MTUS1: variants seen among roughly 807,000 people sequenced by gnomAD.
The protein encoded by MTUS1 is microtubule-associated tumor suppressor 1.
Under a neutral mutation model 120.8 loss-of-function variants are expected in MTUS1, and 109 were observed. That is an observed-to-expected ratio of 0.90 (90% confidence interval 0.77 to 1.06). The LOEUF (loss-of-function observed/expected upper bound fraction) is 1.06, where lower values mean the gene tolerates loss of function less well. Among genes scored for constraint, MTUS1 ranks in the 50% least tolerant of loss-of-function variants. MTUS1 has a pLI of 0.00. For synonymous variants in MTUS1, 737 were observed against 550.5 expected, an observed-to-expected ratio of 1.34 and a Z score of -4.74; for missense variants, 2,210 against 1,486.3, an observed-to-expected ratio of 1.49 and a Z score of -8.01.
At chr8:17,721,520 TAA>T (rs1369713908) in intron 4 of MTUS1, among the ~76,000 whole-genome samples, 1 of 152,032 alleles carries the variant, frequency 6.6e-6, no homozygotes, top group Non-Finnish European at 1.5e-5. Flanking sequence ...GCAAAACACA[TAA>T]AAGAGACAAC....
intron 3 of MTUS1, among the ~76,000 whole-genome samples, chr8:17,734,465 G>C (rs1586037300): frequency 6.6e-6 from 1 of 152,040 alleles, no homozygotes; most frequent in East Asian, 1.9e-4. Context: ...GGAGCAAAAA[G>C]TCCCACAAAG....
intron 1 of MTUS1, among the ~76,000 whole-genome samples, chr8:17,756,835 C>G (rs1033249356): frequency 1.3e-5 from 2 of 152,114 alleles, no homozygotes; most frequent in Non-Finnish European, 2.9e-5. Flanking sequence ...TCCCCTCTCT[C>G]TACCAAATTA....
chr8:17,794,255 G>C (rs933242811), intron 1 of MTUS1, among the ~76,000 whole-genome samples: 2 of 151,910 alleles, frequency 1.3e-5, no homozygotes, highest in Non-Finnish European at 2.9e-5. Context: ...TTGAACCCAG[G>C]AGGCGGACAC....
chr8:17,697,761 A>G, intron 6 of MTUS1: 2 of 985,640 alleles, frequency 2.0e-6, no homozygotes, highest in Non-Finnish European at 2.4e-6. Context: ...AACAACCAAT[A>G]ATGTCACAGA....
At chr8:17,744,264 C>T (rs904522784) in intron 2 of MTUS1, among the ~76,000 whole-genome samples, 1 of 152,096 alleles carries the variant, frequency 6.6e-6, no homozygotes, top group Non-Finnish European at 1.5e-5. Context: ...GAGTCTAGCA[C>T]CTTTTAAAAG....
intron 1 of MTUS1, among the ~76,000 whole-genome samples, chr8:17,793,927 T>C (rs186097004): frequency 6.6e-6 from 1 of 152,322 alleles, no homozygotes; most frequent in African/African-American, 2.4e-5. Context: ...TTCACAATGA[T>C]TGGGGTTTCT....
At chr8:17,785,698 G>A (rs553853249) in intron 1 of MTUS1, among the ~76,000 whole-genome samples, 1 of 152,184 alleles carries the variant, frequency 6.6e-6, no homozygotes, top group African/African-American at 2.4e-5. Context: ...CTGTCACCAG[G>A]TACCCCAGGG....
At chr8:17,764,380 G>C (rs2049296915) in intron 1 of MTUS1, among the ~76,000 whole-genome samples, 1 of 140,600 alleles carries the variant, frequency 7.1e-6, no homozygotes, top group African/African-American at 2.7e-5. Context: ...CTATGCACTT[G>C]CATTTTTATG....
At position 17,755,366 on chromosome 8, in the gene MTUS1, A is replaced by T. The variant is rs3739407; in HGVS notation, c.442T>A (p.Cys148Ser). The change falls in exon 2 of 15, where the codon TGT (cysteine) becomes AGT (serine). Residue 148 changes from cysteine to serine, a missense_variant. Coordinates refer to ENST00000693296, the MANE Select transcript of MTUS1 (RefSeq NM_001363059.2). The part of the protein sequence containing the change: ...FVWKPNDNLN[C>S]AGYCDALELN... ...TCCAAGGCATCACAGTAGCCTGCAC[A>T]GTTCAAATTGTCATTAGGCTTCCAC... 49 of 1,613,940 alleles carry T rather than the reference A, an allele frequency of 3.0e-5. No homozygotes were observed. The highest frequency in any genetic ancestry group is 3.7e-5 in the Non-Finnish European group (44 of 1,180,028).
chr8:17,697,500 C>A (rs1818223657), intron 6 of MTUS1: 9 of 1,424,928 alleles, frequency 6.3e-6, no homozygotes, highest in Admixed American at 2.4e-5. Flanking sequence ...GATGCCTACA[C>A]AGCAAATGTC....
chr8:17,688,935 G>C (rs889883286), intron 6 of MTUS1, among the ~76,000 whole-genome samples: 3 of 152,062 alleles, frequency 2.0e-5, no homozygotes, highest in African/African-American at 7.2e-5. Context: ...AGCCAGGCCG[G>C]GTGCGGTGGC....
Position 17,755,057 on chromosome 8 carries a change from TCAC to T in MTUS1, c.748_750del (p.Val250del), listed in dbSNP as rs761327663. The T allele has an allele frequency of 1.7e-5, 27 of 1,613,706 alleles. No individual in the cohort carries two copies. The East Asian group carries it at 5.6e-4, about 33-fold the overall frequency. Reference sequence around the variant, plus strand: ...TCTGAAACAAAAACCTCACTTTGCATCACCACATCAGAAAATGCTGTGTAAGTC... The same window carrying T: ...TCTGAAACAAAAACCTCACTTTGCATCACATCAGAAAATGCTGTGTAAGTC... On this transcript the variant is annotated inframe_deletion, in exon 2 of 15. Coordinates refer to ENST00000693296, the MANE Select transcript of MTUS1 (RefSeq NM_001363059.2).
rs758610209 is a variant in MTUS1, at chr8:17,655,964, G to C, written c.3007C>G (p.Arg1003Gly). Reference protein sequence around the residue: ...VQQHQAEKTERENRLKEFYTR... With the variant: ...VQQHQAEKTEGENRLKEFYTR... ...TAAAACTCTTTAAGCCGATTCTCTC[G>C]TTCTGTTTTTTCAGCCTGGTGCTGC... is the stretch of plus-strand genomic sequence containing the variant. Residue 1003 changes from arginine to glycine, a missense_variant, in exon 9 of 15, where the codon CGA becomes GGA. Physicochemically the swap from Arg to Gly is moderately radical, Grantham distance 125. Transcript: ENST00000693296. 8 of 1,614,018 alleles carry C rather than the reference G, an allele frequency of 5.0e-6. No homozygotes were observed. Among genetic ancestry groups the C allele is most frequent in the African/African-American group, 4.0e-5 (3 of 74,924 alleles).
chr8:17,760,304 G>A (rs1319366001), intron 1 of MTUS1, among the ~76,000 whole-genome samples: 1 of 152,036 alleles, frequency 6.6e-6, no homozygotes, highest in Non-Finnish European at 1.5e-5. Context: ...AAATACTTAA[G>A]GATTGTTTTT....
At chr8:17,701,102 T>C (rs1226361956) in intron 6 of MTUS1, among the ~76,000 whole-genome samples, 1 of 152,192 alleles carries the variant, frequency 6.6e-6, no homozygotes, top group South Asian at 2.1e-4. Flanking sequence ...GATTAAAATT[T>C]AAACCAAGTG....
At chr8:17,787,266 T>A (rs2051384107) in intron 1 of MTUS1, among the ~76,000 whole-genome samples, 1 of 152,152 alleles carries the variant, frequency 6.6e-6, no homozygotes, top group African/African-American at 2.4e-5. Flanking sequence ...CTCTTCAAAG[T>A]CCACAGTGTT....
Position 17,754,339 on chromosome 8 carries a change from A to G in MTUS1, c.1469T>C (p.Ile490Thr). ...TTCAGTTTTTCTAACTTTGCAGCCT[A>G]TTGGGGTATTCGTTTTGATTGTTGA... ...GKSTIKTNTP[I>T]GCKVRKTEII... The change falls in exon 2 of 15, where the codon ATA (isoleucine) becomes ACA (threonine). Residue 490 changes from isoleucine (I) to threonine (T), a missense_variant. Transcript: ENST00000693296. 6.2e-7 allele frequency: 1 copy of G among 1,614,044 alleles called. No homozygotes were observed. Among genetic ancestry groups the G allele is most frequent in the Non-Finnish European group, 8.5e-7 (1 of 1,180,010 alleles).
intron 2 of MTUS1, among the ~76,000 whole-genome samples, chr8:17,749,364 T>A (rs1468270241): frequency 6.6e-6 from 1 of 152,020 alleles, no homozygotes; most frequent in South Asian, 2.1e-4. Flanking sequence ...AACTGCCAAT[T>A]AGAAAATCTT....
intron 1 of MTUS1, among the ~76,000 whole-genome samples, chr8:17,772,881 T>C (rs1055682098): frequency 2.0e-5 from 3 of 152,152 alleles, no homozygotes. Context: ...CCTTGAAAAG[T>C]ACTGGCATGG....
Sources: allele counts gnomAD v4.1 joint callset (sites outside exome capture counted in the v4.1 genomes callset), GRCh38; gene constraint gnomAD v4.1.1; transcripts MANE v1.5; gene names NCBI Gene and HGNC (gene_info 2026-07-23, HGNC 2026-07-21).